The following DNAJC1 variants were observed in gnomAD, a reference collection of about 807,000 sequenced individuals.
DNAJC1 encodes DnaJ heat shock protein family (Hsp40) member C1.
DNAJC1 carries 58 observed loss-of-function variants against 76.6 expected under a neutral mutation model. The ratio of observed to expected loss-of-function variants is 0.76; its 90% CI spans 0.61 to 0.94. DNAJC1 has a LOEUF of 0.94. Among genes scored for constraint, DNAJC1 ranks in the 40% least tolerant of loss-of-function variants. DNAJC1 has a pLI of 0.00. For synonymous variants in DNAJC1, 258 were observed against 267.9 expected (o/e 0.96, Z 0.36); for missense variants, 689 against 677.3 (o/e 1.02, Z -0.19).
chr10:21,923,623 T>C (rs1465594107), intron 3 of DNAJC1, among the ~76,000 whole-genome samples: 1 of 151,884 alleles, frequency 6.6e-6, no homozygotes, highest in East Asian at 1.9e-4. Context: ...CTAAAAATCA[T>C]AGGAAATTAT....
chr10:21,950,024 T>C (rs1443780496), intron 1 of DNAJC1, among the ~76,000 whole-genome samples: 2 of 151,878 alleles, frequency 1.3e-5, no homozygotes, highest in African/African-American at 2.4e-5. Flanking sequence ...TGCAAAAATA[T>C]GTAGTCATCC....
rs780569258 is a variant in DNAJC1, at chr10:21,771,328, A to C, written c.1099-5019T>G. Among the ~76,000 whole-genome samples, 21 of 152,196 alleles carry C rather than the reference A, an allele frequency of 1.4e-4. 1 individual carries two copies. The highest frequency in any genetic ancestry group is 1.8e-4 in the Non-Finnish European group (12 of 68,020). On this transcript the variant is annotated intron_variant, in intron 9 of 11. Coordinates refer to ENST00000376980, the MANE Select transcript of DNAJC1 (RefSeq NM_022365.4). ...ACTTCAATACAATGCTGAATAGAAG[A>C]AGCAAGAGCAGACATCCTTGTTTTG...
chr10:21,988,012 A>G (rs1467227628), intron 1 of DNAJC1, among the ~76,000 whole-genome samples: 1 of 152,114 alleles, frequency 6.6e-6, no homozygotes, highest in African/African-American at 2.4e-5. Context: ...TTTCACATAT[A>G]TTACTACTGA....
chr10:21,835,899 T>A lies in DNAJC1; in HGVS notation c.979-29800A>T, dbSNP rs900490426. ...AGAATGGAACCAAGTTGGAAAACAC[T>A]CTGCAGGATACTGTCCAGGAGAACT... On this transcript the variant is annotated intron_variant, in intron 8 of 11. Transcript: ENST00000376980. Among the ~76,000 whole-genome samples, 9 of 152,216 alleles carry A rather than the reference T, an allele frequency of 5.9e-5. 1 individual carries two copies. The highest frequency in any genetic ancestry group is 5.2e-4 in the Admixed American group (8 of 15,286).
intron 9 of DNAJC1, among the ~76,000 whole-genome samples, chr10:21,775,079 A>G (rs965248138): frequency 2.0e-5 from 3 of 152,162 alleles, no homozygotes; most frequent in Admixed American, 2.0e-4. Context: ...ATCACACATA[A>G]TCTGAGTCCT....
chr10:21,852,096 C>T (rs971923940), intron 8 of DNAJC1, among the ~76,000 whole-genome samples: 125 of 4,392 alleles, frequency 0.028, no homozygotes, highest in Non-Finnish European at 0.031. Context: ...GTGAGATACA[C>T]ACACACACAC....
Position 21,759,525 on chromosome 10 carries a change from C to T in DNAJC1, c.1241G>A (p.Arg414Gln), listed in dbSNP as rs143219358. The T allele has an allele frequency of 1.7e-5, 27 of 1,614,194 alleles. No individual in the cohort carries two copies. Among genetic ancestry groups the T allele is most frequent in the Non-Finnish European group, 2.1e-5 (25 of 1,180,030 alleles). Residue 414 changes from arginine to glutamine, a missense_variant, in exon 11 of 12, where the codon CGA (arginine) becomes CAA (glutamine). Arg to Gln is a conservative substitution (Grantham distance 43). Coordinates refer to ENST00000376980, the MANE Select transcript of DNAJC1 (RefSeq NM_022365.4). ...CGCTGCCACCCCCTCTGCGTCCTCT[C>T]GCTGGGTGATCATGTCATCGGGCAA... ...TTLPDDMITQ[R>Q]EDAEGVAAEE... is the part of the protein sequence containing the mutation.
At chr10:21,906,890 T>C (rs1243636833) in intron 6 of DNAJC1, among the ~76,000 whole-genome samples, 3 of 152,198 alleles carry the variant, frequency 2.0e-5, no homozygotes, top group Non-Finnish European at 4.4e-5. Context: ...ATTTTTATTA[T>C]TACTTCTACC....
rs953766988 is a variant in DNAJC1 at position 22,003,367 on chromosome 10, G to A, written c.68C>T (p.Pro23Leu). The change falls in exon 1 of 12, where the codon CCG becomes CTG. Residue 23 changes from proline (P) to leucine (L), a missense_variant. Pro to Leu is a moderately conservative substitution (Grantham distance 98). Coordinates refer to ENST00000376980, the MANE Select transcript of DNAJC1 (RefSeq NM_022365.4). ...GRRQLGLVPF[P>L]PPPPRTPLLW... is the part of the protein sequence containing the mutation. Reference sequence around the variant, plus strand: ...CAGCGGCGTCCGCGGCGGCGGCGGCGGGAACGGCACCAGCCCGAGCTGGCG... The same window carrying A: ...CAGCGGCGTCCGCGGCGGCGGCGGCAGGAACGGCACCAGCCCGAGCTGGCG... 7.1e-7 allele frequency: 1 copy of A among 1,409,414 alleles called. No homozygotes were observed. Among genetic ancestry groups the A allele is most frequent in the Non-Finnish European group, 9.2e-7 (1 of 1,085,638 alleles). 87.3% of individuals were successfully genotyped at this position (1,409,414 alleles called of 1,614,324 possible). A position where few individuals can be genotyped will look rare whatever the true frequency, so the allele number is the denominator to read the frequency against.
At chr10:21,876,541 T>G (rs1409605522) in intron 8 of DNAJC1, among the ~76,000 whole-genome samples, 2 of 152,228 alleles carry the variant, frequency 1.3e-5, no homozygotes, top group South Asian at 4.1e-4. Flanking sequence ...CTCAGCTGAA[T>G]AATTTGTGGA....
At chr10:21,945,565 T>C (rs938796716) in intron 1 of DNAJC1, among the ~76,000 whole-genome samples, 3 of 152,148 alleles carry the variant, frequency 2.0e-5, no homozygotes, top group Non-Finnish European at 4.4e-5. Flanking sequence ...GGGGACACCA[T>C]TAGCAGGAAA....
intron 8 of DNAJC1, among the ~76,000 whole-genome samples, chr10:21,861,644 G>A (rs561052640): frequency 3.9e-5 from 6 of 152,106 alleles, no homozygotes; most frequent in East Asian, 1.9e-4. Flanking sequence ...CAGTAAAGCC[G>A]CCGGCCAAAA....
intron 9 of DNAJC1, among the ~76,000 whole-genome samples, chr10:21,803,623 G>GTGTGTA (rs1554887216): frequency 1.2e-4 from 17 of 146,396 alleles, no homozygotes; most frequent in Admixed American, 4.8e-4. Context: ...GTGTGTGTGT[G>GTGTGTA]TATGTATGTG....
At chr10:21,839,720 A>C (rs1835538492) in intron 8 of DNAJC1, among the ~76,000 whole-genome samples, 1 of 152,202 alleles carries the variant, frequency 6.6e-6, no homozygotes, top group Non-Finnish European at 1.5e-5. Context: ...CAATCAATAG[A>C]AAAAGAGGGA....
intron 9 of DNAJC1, among the ~76,000 whole-genome samples, chr10:21,799,300 T>C (rs1834785307): frequency 6.6e-6 from 1 of 152,082 alleles, no homozygotes; most frequent in Non-Finnish European, 1.5e-5. Flanking sequence ...TTTTTGTTGT[T>C]GTTGTTTTTT....
intron 8 of DNAJC1, among the ~76,000 whole-genome samples, chr10:21,809,876 T>G (rs1467289152): frequency 6.6e-6 from 1 of 152,138 alleles, no homozygotes; most frequent in Non-Finnish European, 1.5e-5. Context: ...GAAATTCTTT[T>G]TTGAGGCCTA....
At chr10:21,870,038 T>C (rs889645186) in intron 8 of DNAJC1, among the ~76,000 whole-genome samples, 12 of 151,852 alleles carry the variant, frequency 7.9e-5, no homozygotes, top group African/African-American at 2.7e-4. Context: ...CTCATAAACA[T>C]AAAAGCAAAA....
chr10:21,946,869 A>G (rs1027796382), intron 1 of DNAJC1, among the ~76,000 whole-genome samples: 3 of 152,070 alleles, frequency 2.0e-5, no homozygotes, highest in African/African-American at 7.2e-5. Context: ...TAATGCAACA[A>G]TGTTGGGAGG....
At chr10:21,820,288 T>TG (rs538180919) in intron 8 of DNAJC1, among the ~76,000 whole-genome samples, 2,663 of 152,268 alleles carry the variant, frequency 0.017, 38 homozygotes, top group Non-Finnish European at 0.025. Context: ...ATTCTATGTC[T>TG]GGGGGGGATA....
Sources: gnomAD v4.1 joint callset for allele counts (sites outside exome capture counted in the v4.1 genomes callset) on GRCh38, gnomAD v4.1.1 for gene constraint, MANE v1.5 for transcripts, NCBI Gene and HGNC (gene_info 2026-07-23, HGNC 2026-07-21) for gene names.